VAC14: variants seen among roughly 807,000 people sequenced by gnomAD.
VAC14 encodes the protein protein VAC14 homolog.
Under a neutral mutation model 85.3 loss-of-function variants are expected in VAC14, and 47 were observed. The ratio of observed to expected loss-of-function variants is 0.55; its 90% CI spans 0.44 to 0.70. The LOEUF (loss-of-function observed/expected upper bound fraction) is 0.70. Among genes scored for constraint, VAC14 ranks in the 30% least tolerant of loss-of-function variants. The pLI is 0.00. For missense variants in VAC14, 861 were observed against 1,004.3 expected, an observed-to-expected ratio of 0.86 and a Z score of 1.93; for synonymous variants, 447 against 430.5, an observed-to-expected ratio of 1.04 and a Z score of -0.47.
At chr16:70,786,634 C>A (rs1273364493) in intron 1 of VAC14, among the ~76,000 whole-genome samples, 1 of 152,172 alleles carries the variant, frequency 6.6e-6, no homozygotes, top group Non-Finnish European at 1.5e-5. Flanking sequence ...CAATGTGTCA[C>A]TGGGGACCAA....
rs186479424 is a variant in VAC14 at position 70,701,184 on chromosome 16, C to G, written c.1662-2373G>C. 6.3e-3 allele frequency among the ~76,000 whole-genome samples: 962 copies of G among 152,342 alleles called. 6 individuals carry two copies. The highest frequency in any genetic ancestry group is 9.9e-3 in the Non-Finnish European group (675 of 68,028). On this transcript the variant is annotated intron_variant, in intron 14 of 18. Transcript: ENST00000261776. ...GCTGGGGTAGCCCTTCCGCTCTTCT[C>G]TCTCTAGTCTGTGCCTCTTGGTAGT...
intron 1 of VAC14, among the ~76,000 whole-genome samples, chr16:70,798,779 AG>A (rs1383484110): frequency 1.3e-5 from 2 of 152,238 alleles, no homozygotes; most frequent in East Asian, 3.8e-4. Flanking sequence ...TGCTGTCTGT[AG>A]GCCACGCTTT....
chr16:70,723,981 C>T (rs769935058), intron 14 of VAC14, among the ~76,000 whole-genome samples: 1 of 152,130 alleles, frequency 6.6e-6, no homozygotes, highest in Non-Finnish European at 1.5e-5. Context: ...AGGGGTCACC[C>T]TGAAGGACAC....
chr16:70,783,019 C>T lies in VAC14; in HGVS notation c.811+14G>A, dbSNP rs1209794301. 6.2e-7 allele frequency: 1 copy of T among 1,612,532 alleles called. No homozygotes were observed. Among genetic ancestry groups the T allele is most frequent in the African/African-American group, 1.3e-5 (1 of 75,000 alleles). Reference sequence around the variant, plus strand: ...AGTGGCAGCCGTGGCTGTGGGCCCTCCCCCAATACTCACCTGTTGTCTGGC... The same window carrying T: ...AGTGGCAGCCGTGGCTGTGGGCCCTTCCCCAATACTCACCTGTTGTCTGGC... On this transcript the variant is annotated intron_variant, in intron 7 of 18. Coordinates refer to ENST00000261776, the MANE Select transcript of VAC14 (RefSeq NM_018052.5).
At chr16:70,774,752 GT>G (rs1158583692) in intron 9 of VAC14, among the ~76,000 whole-genome samples, 35 of 47,196 alleles carry the variant, frequency 7.4e-4, no homozygotes, top group Non-Finnish European at 7.2e-4. Flanking sequence ...TTCCTTCCTT[GT>G]TTTTTTTTTT....
intron 14 of VAC14, among the ~76,000 whole-genome samples, chr16:70,727,755 C>T (rs188218655): frequency 2.0e-5 from 3 of 152,248 alleles, no homozygotes; most frequent in African/African-American, 4.8e-5. Context: ...CTCAGCCCCC[C>T]ACAGGAGCAT....
intron 1 of VAC14, among the ~76,000 whole-genome samples, chr16:70,793,840 G>A (rs1432044122): frequency 1.3e-5 from 2 of 152,228 alleles, no homozygotes; most frequent in East Asian, 1.9e-4. Context: ...TCAGAGACAA[G>A]CTGTGATCTT....
intron 17 of VAC14, among the ~76,000 whole-genome samples, chr16:70,694,602 T>G (rs1268221465): frequency 2.0e-5 from 3 of 152,190 alleles, no homozygotes; most frequent in Non-Finnish European, 4.4e-5. Context: ...TCAGAGACGC[T>G]GCCAGAGAGT....
chr16:70,785,368 C>G (rs146098053), intron 3 of VAC14, among the ~76,000 whole-genome samples: 5 of 152,210 alleles, frequency 3.3e-5, no homozygotes, highest in Admixed American at 3.3e-4. Flanking sequence ...GCAGCCCTCC[C>G]TAAAGGGAAA....
intron 9 of VAC14, among the ~76,000 whole-genome samples, chr16:70,779,862 T>G (rs80342397): frequency 0.1 from 15,745 of 151,240 alleles, 1,045 homozygotes; most frequent in Non-Finnish European, 0.15. Flanking sequence ...TGAGATAGGG[T>G]CTTTCTCTGT....
intron 3 of VAC14, 22 bp from the exon 4 acceptor site, chr16:70,784,860 G>A: frequency 1.2e-6 from 2 of 1,609,782 alleles, no homozygotes; most frequent in East Asian, 2.2e-5. Context: ...ACAGACAGGG[G>A]AGGGACACAG....
chr16:70,763,784 G>A (rs866036718), intron 10 of VAC14, among the ~76,000 whole-genome samples: 4 of 152,214 alleles, frequency 2.6e-5, no homozygotes, highest in Admixed American at 1.3e-4. Context: ...GAAGTCCTGC[G>A]GGTCCCCAAA....
intron 14 of VAC14, among the ~76,000 whole-genome samples, chr16:70,707,504 G>A (rs1310369409): frequency 2.0e-5 from 3 of 151,996 alleles, no homozygotes; most frequent in Non-Finnish European, 2.9e-5. Flanking sequence ...GCTCTGGGAG[G>A]TCCCAGACAC....
intron 13 of VAC14, among the ~76,000 whole-genome samples, chr16:70,733,188 TCTATGGATTTGC>T (rs2054644964): frequency 6.6e-6 from 1 of 152,184 alleles, no homozygotes; most frequent in Non-Finnish European, 1.5e-5. Context: ...ACCTTCCGTC[TCTATGGATTTGC>T]CTATTCTGGA....
intron 9 of VAC14, among the ~76,000 whole-genome samples, chr16:70,780,059 C>T (rs2033733559): frequency 6.7e-6 from 1 of 148,262 alleles, no homozygotes; most frequent in African/African-American, 2.5e-5. Flanking sequence ...GGGGTTTTGC[C>T]ATGTTGCCCA....
intron 8 of VAC14, among the ~76,000 whole-genome samples, chr16:70,781,525 T>C (rs2033809459): frequency 6.6e-6 from 1 of 152,008 alleles, no homozygotes; most frequent in African/African-American, 2.4e-5. Context: ...CCCTGTGAAA[T>C]GCGCCTATTT....
At chr16:70,690,876 T>G (rs2053583686) in intron 18 of VAC14, 18 of 985,346 alleles carry the variant, frequency 1.8e-5, no homozygotes, top group Non-Finnish European at 2.2e-5. Context: ...AGGCTGGGGG[T>G]CCAGGGCATT....
At chr16:70,743,929 C>G (rs779174523) in intron 13 of VAC14, among the ~76,000 whole-genome samples, 1 of 152,114 alleles carries the variant, frequency 6.6e-6, no homozygotes, top group Non-Finnish European at 1.5e-5. Context: ...GGGGGTGCTA[C>G]GGCCACCTTT....
intron 1 of VAC14, among the ~76,000 whole-genome samples, chr16:70,795,579 G>A (rs78705883): frequency 0.01 from 1,543 of 150,632 alleles, 9 homozygotes; most frequent in Non-Finnish European, 0.017. Flanking sequence ...GGTAGGCTCC[G>A]AAGAACCAGG....
Sources: allele counts gnomAD v4.1 joint callset (sites outside exome capture counted in the v4.1 genomes callset), GRCh38; gene constraint gnomAD v4.1.1; transcripts MANE v1.5; gene names NCBI Gene and HGNC (gene_info 2026-07-23, HGNC 2026-07-21).